The following SOS2 variants were observed in gnomAD, a reference collection of about 807,000 sequenced individuals.
SOS2 encodes son of sevenless homolog 2.
Under a neutral mutation model 148.2 loss-of-function variants are expected in SOS2, and 65 were observed. The observed-to-expected ratio is 0.44, with a 90% confidence interval of 0.36 to 0.54. The LOEUF is 0.54. Among genes scored for constraint, SOS2 ranks in the 20% least tolerant of loss-of-function variants. SOS2 has a pLI of 0.00. For missense variants in SOS2, 1,341 were observed against 1,590.2 expected (o/e 0.84, Z 2.67); for synonymous variants, 539 against 537.1 (o/e 1.00, Z -0.05).
Position 50,138,657 on chromosome 14 carries a change from C to G in SOS2, c.2913G>C (p.Gln971His). The change falls in exon 18 of 23, where the codon CAG becomes CAC. Residue 971 changes from glutamine (Q) to histidine (H), a missense_variant. By Grantham distance (24) the Gln-to-His change is conservative (BLOSUM62 0). Around this residue, in one of 4 missense-constraint regions of SOS2, gnomAD observed 408 missense variants for 506.6 expected, o/e 0.81. Coordinates refer to ENST00000216373, the MANE Select transcript of SOS2 (RefSeq NM_006939.4). ...KVAEITGEIQQYQNQPYCLRI... is the reference protein window; with the variant it reads ...KVAEITGEIQHYQNQPYCLRI... Reference sequence around the variant, plus strand: ...GTAAACAGTAAGGCTGATTCTGATACTGCTGAATTTCTCCAGTAATTTCAG... The same window carrying G: ...GTAAACAGTAAGGCTGATTCTGATAGTGCTGAATTTCTCCAGTAATTTCAG... 6.3e-7 allele frequency: 1 copy of G among 1,582,926 alleles called. No homozygotes were observed. The highest frequency in any genetic ancestry group is 8.6e-7 in the Non-Finnish European group (1 of 1,161,708).
intron 5 of SOS2, among the ~76,000 whole-genome samples, chr14:50,184,676 A>G (rs997201465): frequency 6.6e-6 from 1 of 151,952 alleles, no homozygotes; most frequent in African/African-American, 2.4e-5. Context: ...AGAGCCTGGG[A>G]AACATGGCAA....
In SOS2 at chr14:50,130,735, A is replaced by T; in HGVS notation, c.3103T>A (p.Ser1035Thr). ...FPRKSTFSLK[S>T]PGIRPNTGRH... ...CCTGTGTTAGGCCTTATTCCAGGAG[A>T]TTTTAAGGAAAAAGTTGATTTCCTA... The change falls in exon 20 of 23, where the codon TCT becomes ACT. Residue 1035 changes from serine to threonine, a missense_variant. Physicochemically the swap from Ser to Thr is moderately conservative, Grantham distance 58. This residue lies in a region of SOS2 where 408 missense variants were observed against 506.6 expected (regional missense o/e 0.81). Coordinates refer to ENST00000216373, the MANE Select transcript of SOS2 (RefSeq NM_006939.4). 2.5e-6 allele frequency: 4 copies of T among 1,604,148 alleles called. No homozygotes were observed. Among genetic ancestry groups the T allele is most frequent in the Non-Finnish European group, 3.4e-6 (4 of 1,176,144 alleles).
intron 4 of SOS2, among the ~76,000 whole-genome samples, chr14:50,195,394 T>A (rs1022100412): frequency 1.3e-5 from 2 of 152,150 alleles, no homozygotes; most frequent in African/African-American, 4.8e-5. Context: ...ACATGAAGAT[T>A]TTTTTAAACT....
Position 50,118,889 on chromosome 14 carries a change from C to A in SOS2, c.3490-36G>T. 1.1e-5 allele frequency: 14 copies of A among 1,287,720 alleles called. No homozygotes were observed. In the South Asian group the frequency reaches 1.2e-4, roughly 11 times the overall value. 79.8% of individuals were successfully genotyped at this position (1,287,720 alleles called of 1,614,324 possible). A position where few individuals can be genotyped will look rare whatever the true frequency, so the allele number is the denominator to read the frequency against. On this transcript the variant is annotated intron_variant, in intron 22 of 22. Transcript: ENST00000216373. ...AAAGTAATTAAATTATACCTCTATT[C>A]TGAAAAATTAAAAAAAAAAATTTTT...
intron 3 of SOS2, 102 bp downstream of exon 3, chr14:50,200,851 A>G: frequency 9.8e-7 from 1 of 1,021,550 alleles, no homozygotes; most frequent in Non-Finnish European, 1.5e-6. Flanking sequence ...GCACATATAC[A>G]CACTAACACA....
intron 4 of SOS2, among the ~76,000 whole-genome samples, chr14:50,192,750 G>C (rs550032350): frequency 6.6e-6 from 1 of 152,006 alleles, no homozygotes. Flanking sequence ...TGTAATCCCA[G>C]CTACTCAGAA....
At chr14:50,166,074 CTTTCT>C (rs1419190553) in intron 8 of SOS2, among the ~76,000 whole-genome samples, 1 of 152,018 alleles carries the variant, frequency 6.6e-6, no homozygotes, top group African/African-American at 2.4e-5. Flanking sequence ...GAAAGGGATT[CTTTCT>C]ATGTTGAAAA....
At chr14:50,170,307 A>G (rs909788596) in intron 8 of SOS2, among the ~76,000 whole-genome samples, 1 of 152,144 alleles carries the variant, frequency 6.6e-6, no homozygotes, top group African/African-American at 2.4e-5. Flanking sequence ...CTTAACATAT[A>G]ATTCAATCTT....
At position 50,182,475 on chromosome 14, in the gene SOS2, T is replaced by C. The variant is rs776312082; in HGVS notation, c.846A>G (p.Glu282=). 3 of 1,614,030 alleles carry C rather than the reference T, an allele frequency of 1.9e-6. 1 individual carries two copies. The highest frequency in any genetic ancestry group is 4.5e-5 in the East Asian group (2 of 44,876). ...SPHPLAGSCF[E]DLAEEQAFDP... ...TTTGTAAACTTACTTCTGCCAAATC[T>C]TCAAAACAGCTGCCAGCTAAGGGAT... The change falls in exon 6 of 23, where the codon GAA becomes GAG. Residue 282 remains glutamate, a synonymous_variant. Coordinates refer to ENST00000216373, the MANE Select transcript of SOS2 (RefSeq NM_006939.4).
At chr14:50,201,532 G>GAA (rs11342999) in intron 2 of SOS2, among the ~76,000 whole-genome samples, 1 of 90,550 alleles carries the variant, frequency 1.1e-5, no homozygotes, top group East Asian at 3.2e-4. Context: ...ACCCCCAACA[G>GAA]AAAAAAAAAA....
chr14:50,131,543 G>C (rs1383805835), intron 19 of SOS2, among the ~76,000 whole-genome samples: 4 of 151,844 alleles, frequency 2.6e-5, no homozygotes, highest in Non-Finnish European at 5.9e-5. Flanking sequence ...AACAGTTTGA[G>C]ATGCTCAAAC....
At chr14:50,156,450 G>A (rs1407099342) in intron 12 of SOS2, 2 of 152,020 alleles carry the variant, frequency 1.3e-5, no homozygotes, top group Non-Finnish European at 1.5e-5. Flanking sequence ...GGTAATCCCC[G>A]GCACACAGTA....
intron 7 of SOS2, among the ~76,000 whole-genome samples, chr14:50,178,721 TACACACAC>T (rs60850219): frequency 0.79 from 104,679 of 133,164 alleles, 41,093 homozygotes; most frequent in East Asian, 0.87. Flanking sequence ...TACACACATA[TACACACAC>T]ATATATATAT....
intron 16 of SOS2, among the ~76,000 whole-genome samples, chr14:50,141,448 G>A (rs1456297543): frequency 6.6e-6 from 1 of 151,634 alleles, no homozygotes; most frequent in African/African-American, 2.4e-5. Context: ...TTGAGCCTGG[G>A]AATAGGAGGC....
chr14:50,129,821 C>T, intron 21 of SOS2, 140 bp downstream of exon 21: 4 of 568,230 alleles, frequency 7.0e-6, no homozygotes, highest in Non-Finnish European at 1.3e-5. Context: ...AAGTAGTACA[C>T]AGTTGTAAGC....
At chr14:50,141,743 T>A (rs1884296240) in intron 16 of SOS2, among the ~76,000 whole-genome samples, 1 of 152,072 alleles carries the variant, frequency 6.6e-6, no homozygotes, top group Non-Finnish European at 1.5e-5. Flanking sequence ...AATGCCAATT[T>A]AAAAAAATGG....
At chr14:50,173,677 T>G (rs983220043) in intron 8 of SOS2, among the ~76,000 whole-genome samples, 1 of 152,164 alleles carries the variant, frequency 6.6e-6, no homozygotes, top group African/African-American at 2.4e-5. Context: ...CGCCTCGGCC[T>G]CCCAAAGTGC....
At chr14:50,122,391 C>CTTTTTTTTTTTTTTTTTTTTTTTTT (rs71118839) in intron 21 of SOS2, among the ~76,000 whole-genome samples, 2 of 88,292 alleles carry the variant, frequency 2.3e-5, no homozygotes, top group African/African-American at 4.8e-5. Context: ...GAACCCTGGG[C>CTTTTTTTTTTTTTTTTTTTTTTTTT]TTTTTTTTTT....
At chr14:50,147,387 C>G (rs971848598) in intron 14 of SOS2, among the ~76,000 whole-genome samples, 2 of 151,690 alleles carry the variant, frequency 1.3e-5, no homozygotes, top group Non-Finnish European at 2.9e-5. Context: ...TGGTGCGTGC[C>G]TGTAGTTCTA....
Sources: gnomAD v4.1 joint callset for allele counts (sites outside exome capture counted in the v4.1 genomes callset) on GRCh38, gnomAD v4.1.1 for gene constraint, gnomAD v4.1.1 regional missense constraint, MANE v1.5 for transcripts, NCBI Gene and HGNC (gene_info 2026-07-23, HGNC 2026-07-21) for gene names.